Variants in PHF2 observed in about 807,000 individuals in gnomAD.
PHF2 encodes the protein lysine-specific demethylase PHF2.
A neutral mutation model predicts 120.5 loss-of-function variants in PHF2; 27 were observed. The observed-to-expected ratio is 0.22, with a 90% CI of 0.17 to 0.31. PHF2 has a LOEUF of 0.31. Ranked by LOEUF, PHF2 falls within the 10% of genes least tolerant of loss-of-function variation. The pLI is 1.00. For missense variants in PHF2, 1,024 were observed against 1,434.8 expected, an observed-to-expected ratio of 0.71 and a Z score of 4.63; for synonymous variants, 568 against 592.5, an observed-to-expected ratio of 0.96 and a Z score of 0.60.
chr9:93,621,233 CG>C (rs1427237079), intron 1 of PHF2, among the ~76,000 whole-genome samples: 2 of 152,208 alleles, frequency 1.3e-5, no homozygotes, highest in Non-Finnish European at 2.9e-5. Context: ...CCCTGGTGGG[CG>C]GGCCCTGGAT....
intron 1 of PHF2, among the ~76,000 whole-genome samples, chr9:93,591,779 A>C (rs970664821): frequency 6.6e-6 from 1 of 152,074 alleles, no homozygotes; most frequent in South Asian, 2.1e-4. Flanking sequence ...CTAGCAAGGG[A>C]GTCAGAGGAA....
At chr9:93,649,707 T>G (rs1826330086) in intron 5 of PHF2, among the ~76,000 whole-genome samples, 1 of 151,682 alleles carries the variant, frequency 6.6e-6, no homozygotes, top group Admixed American at 6.6e-5. Flanking sequence ...CACTGACTCA[T>G]GGACACTCCA....
intron 14 of PHF2, among the ~76,000 whole-genome samples, chr9:93,664,179 G>A (rs1180559386): frequency 6.6e-6 from 1 of 152,024 alleles, no homozygotes; most frequent in Non-Finnish European, 1.5e-5. Flanking sequence ...CCAGTGGGGA[G>A]GGCCTGGTGT....
chr9:93,651,327 A>C (rs922753713), intron 5 of PHF2, among the ~76,000 whole-genome samples: 4 of 152,126 alleles, frequency 2.6e-5, no homozygotes, highest in Non-Finnish European at 5.9e-5. Flanking sequence ...GAGAGATGGT[A>C]CTTTGGCCTG....
intron 12 of PHF2, among the ~76,000 whole-genome samples, chr9:93,661,468 T>C (rs1268269945): frequency 1.3e-5 from 2 of 152,134 alleles, no homozygotes; most frequent in Admixed American, 1.3e-4. Flanking sequence ...GATGGATGAA[T>C]GAATGAATCA....
chr9:93,581,675 G>A (rs1862932704), intron 1 of PHF2, among the ~76,000 whole-genome samples: 1 of 152,188 alleles, frequency 6.6e-6, no homozygotes, highest in African/African-American at 2.4e-5. Flanking sequence ...TATTTGACTG[G>A]AAGTGTGCTT....
intron 4 of PHF2, among the ~76,000 whole-genome samples, chr9:93,646,123 G>A (rs1009972553): frequency 1.3e-5 from 2 of 152,162 alleles, no homozygotes; most frequent in Non-Finnish European, 2.9e-5. Flanking sequence ...CTGGTGGTGC[G>A]GGCCCATGTT....
intron 1 of PHF2, among the ~76,000 whole-genome samples, chr9:93,623,028 T>A (rs1382655848): frequency 1.3e-5 from 2 of 152,206 alleles, no homozygotes; most frequent in Non-Finnish European, 2.9e-5. Flanking sequence ...TGCCTTCATC[T>A]GCTCCAGATG....
In PHF2 at chr9:93,673,647, T is replaced by C; in HGVS notation, c.2411T>C (p.Leu804Pro). 1 of 1,609,084 alleles carries C rather than the reference T, an allele frequency of 6.2e-7. No individual in the cohort carries two copies. The highest frequency in any genetic ancestry group is 2.2e-5 in the East Asian group (1 of 44,706). The change falls in exon 18 of 22, where the codon CTG becomes CCG. Residue 804 changes from leucine to proline, a missense_variant. Leu to Pro is a moderately conservative substitution (Grantham distance 98, BLOSUM62 -3). This residue lies in a region of PHF2 where 677 missense variants were observed against 857.4 expected (regional missense o/e 0.79). Transcript: ENST00000359246. ...AIQGMLSMAN[L>P]QASDSCLQTT... ...CAGGGAATGCTGTCCATGGCCAACC[T>C]GCAGGCCTCCGACTCCTGCCTGCAG...
At chr9:93,614,772 G>A (rs1335579169) in intron 1 of PHF2, among the ~76,000 whole-genome samples, 3 of 151,716 alleles carry the variant, frequency 2.0e-5, no homozygotes, top group Non-Finnish European at 4.4e-5. Context: ...AAAAAAAAGT[G>A]ATGATGGTGG....
chr9:93,633,423 T>C (rs1362262978), intron 2 of PHF2, among the ~76,000 whole-genome samples: 2 of 152,188 alleles, frequency 1.3e-5, no homozygotes, highest in Non-Finnish European at 2.9e-5. Flanking sequence ...AGCTCCTGAC[T>C]TATACACAGT....
chr9:93,634,277 G>C (rs1438270196), intron 2 of PHF2, among the ~76,000 whole-genome samples: 1 of 152,142 alleles, frequency 6.6e-6, no homozygotes, highest in Admixed American at 6.5e-5. Flanking sequence ...GAGGGTGATG[G>C]TATTCACAGT....
intron 1 of PHF2, among the ~76,000 whole-genome samples, chr9:93,628,540 A>T (rs1825948900): frequency 6.6e-6 from 1 of 152,130 alleles, no homozygotes; most frequent in African/African-American, 2.4e-5. Context: ...ATTCTGTTAT[A>T]ATCCTTTTTT....
chr9:93,624,802 GTGATGGTGATGGTGATGA>G (rs1450699051), intron 1 of PHF2, among the ~76,000 whole-genome samples: 1 of 151,340 alleles, frequency 6.6e-6, no homozygotes, highest in African/African-American at 2.4e-5. Context: ...GGCAGTGCTG[GTGATGGTGATGGTGATGA>G]TGATGGTGAT....
chr9:93,591,745 G>A (rs1303857520), intron 1 of PHF2, among the ~76,000 whole-genome samples: 1 of 152,178 alleles, frequency 6.6e-6, no homozygotes, highest in Non-Finnish European at 1.5e-5. Flanking sequence ...GCCTTGATGA[G>A]TGATAATCTA....
At chr9:93,599,482 G>T (rs1825395865) in intron 1 of PHF2, among the ~76,000 whole-genome samples, 1 of 152,224 alleles carries the variant, frequency 6.6e-6, no homozygotes, top group Admixed American at 6.5e-5. Context: ...GGCAGAGGTG[G>T]TGCGAGGAGA....
intron 6 of PHF2, 74 bp downstream of exon 6, chr9:93,653,439 A>C: frequency 1.4e-6 from 2 of 1,480,928 alleles, no homozygotes; most frequent in African/African-American, 1.6e-5. Context: ...TGCAGTCCCC[A>C]CAAGCCCTGA....
rs773248774 is a variant in PHF2, at chr9:93,659,468, C to T, written c.1240-43C>T. Reference sequence around the variant, plus strand: ...AGAATGCAGGGGTAAGTCAGGACCACGGGAGGTGTCTGGTGCTGACCCTGG... The same window carrying T: ...AGAATGCAGGGGTAAGTCAGGACCATGGGAGGTGTCTGGTGCTGACCCTGG... On this transcript the variant is annotated intron_variant, in intron 10 of 21. Transcript: ENST00000359246. 3.6e-5 allele frequency: 55 copies of T among 1,523,820 alleles called. No homozygotes were observed. The Middle Eastern group carries it at 5.1e-4, about 14-fold the overall frequency. The allele number at this position is 1,523,820 out of a possible 1,614,324, so 94.4% of individuals were successfully genotyped here. A position where few individuals can be genotyped will look rare whatever the true frequency, so the allele number is the denominator to read the frequency against.
At chr9:93,587,609 T>G (rs1163728707) in intron 1 of PHF2, among the ~76,000 whole-genome samples, 1 of 151,788 alleles carries the variant, frequency 6.6e-6, no homozygotes, top group Admixed American at 6.6e-5. Flanking sequence ...AGGTGAGGGA[T>G]GGAGGAGCTC....
Sources: gnomAD v4.1 joint callset for allele counts (sites outside exome capture counted in the v4.1 genomes callset) on GRCh38, gnomAD v4.1.1 for gene constraint, gnomAD v4.1.1 regional missense constraint, MANE v1.5 for transcripts, NCBI Gene and HGNC (gene_info 2026-07-23, HGNC 2026-07-21) for gene names.